GLRA3: variants seen among roughly 807,000 people sequenced by gnomAD.
GLRA3 encodes glycine receptor alpha 3.
A neutral mutation model predicts 60.4 loss-of-function variants in GLRA3; 44 were observed. That is an observed-to-expected ratio of 0.73 (90% CI 0.57 to 0.94). The LOEUF is 0.94. Ranked by LOEUF, GLRA3 falls within the 40% of genes least tolerant of loss-of-function variation. The pLI, the probability that GLRA3 is intolerant of heterozygous loss-of-function variation, is 0.00. For missense variants in GLRA3, 508 were observed against 564.6 expected, an observed-to-expected ratio of 0.90 and a Z score of 1.02; for synonymous variants, 223 against 192.9, an observed-to-expected ratio of 1.16 and a Z score of -1.29.
intron 1 of GLRA3, among the ~76,000 whole-genome samples, chr4:174,792,815 A>G (rs1219856664): frequency 6.6e-6 from 1 of 152,170 alleles, no homozygotes; most frequent in African/African-American, 2.4e-5. Flanking sequence ...CCTGCAGACA[A>G]GTTAAATAAT....
intron 2 of GLRA3, among the ~76,000 whole-genome samples, chr4:174,772,454 T>C (rs1412462267): frequency 2.0e-5 from 3 of 152,194 alleles, no homozygotes; most frequent in African/African-American, 7.2e-5. Context: ...TTGGTTCCCA[T>C]TTGACTATTT....
chr4:174,675,720 C>T (rs575076150), intron 7 of GLRA3, among the ~76,000 whole-genome samples: 12 of 152,034 alleles, frequency 7.9e-5, no homozygotes, highest in Admixed American at 2.6e-4. Flanking sequence ...CTAGTTGATG[C>T]GAACAATTTT....
At chr4:174,699,179 T>C (rs12642464) in intron 5 of GLRA3, among the ~76,000 whole-genome samples, 115,649 of 151,402 alleles carry the variant, frequency 0.76, 44,478 homozygotes, top group South Asian at 0.82. Context: ...TTTTGTATTT[T>C]TTAGTAGAGA....
At chr4:174,688,353 A>G (rs1447923883) in intron 5 of GLRA3, among the ~76,000 whole-genome samples, 1 of 129,378 alleles carries the variant, frequency 7.7e-6, no homozygotes, top group South Asian at 2.5e-4. Flanking sequence ...ATATATATAT[A>G]TATATATATA....
intron 2 of GLRA3, 97 bp from the exon 3 acceptor site, chr4:174,767,127 CACA>C: frequency 6.6e-6 from 1 of 151,632 alleles, no homozygotes; most frequent in Non-Finnish European, 1.3e-5. Context: ...CCATTTTACA[CACA>C]CACACACACA....
In GLRA3 at chr4:174,682,739, A is replaced by G. The variant is rs936176428; in HGVS notation, c.712+63T>C. The G allele has an allele frequency of 7.8e-5, 94 of 1,198,416 alleles. 2 individuals carry two copies. The African/African-American group carries it at 1.2e-3, about 15-fold the overall frequency. 74.2% of individuals were successfully genotyped at this position (1,198,416 alleles called of 1,614,324 possible). ...GTTAAATAACTTAGCATTATAATGA[A>G]GAAACATCTGGATATCATAAAACCA... On this transcript the variant is annotated intron_variant, in intron 6 of 9. Transcript: ENST00000274093.
chr4:174,794,707 T>A (rs1453983656), intron 1 of GLRA3, among the ~76,000 whole-genome samples: 1 of 152,204 alleles, frequency 6.6e-6, no homozygotes, highest in East Asian at 1.9e-4. Context: ...CTTATCTCAT[T>A]TCTTTTGATG....
At chr4:174,655,652 T>C (rs534438449) in intron 9 of GLRA3, among the ~76,000 whole-genome samples, 1 of 152,144 alleles carries the variant, frequency 6.6e-6, no homozygotes, top group East Asian at 1.9e-4. Flanking sequence ...GCAAACACTA[T>C]ATCTAATTAT....
Position 174,788,226 on chromosome 4 carries a change from C to T in GLRA3, c.199+590G>A, listed in dbSNP as rs1008221951. Among the ~76,000 whole-genome samples the T allele has an allele frequency of 3.3e-5, 5 of 151,920 alleles. 1 individual carries two copies. In the South Asian group the frequency reaches 1.0e-3, roughly 31 times the overall value. ...TACATATCCTTATATAAACATGTTA[C>T]TTACAACTATATTAAACAGAAGAAT... is the stretch of plus-strand genomic sequence containing the variant. On this transcript the variant is annotated intron_variant, in intron 2 of 9. Transcript: ENST00000274093.
At chr4:174,747,524 G>A (rs1216235393) in intron 3 of GLRA3, among the ~76,000 whole-genome samples, 1 of 152,140 alleles carries the variant, frequency 6.6e-6, no homozygotes, top group Non-Finnish European at 1.5e-5. Flanking sequence ...CCAGGGTAGT[G>A]ATTGGGTGGG....
chr4:174,663,812 T>C (rs1561040344), intron 7 of GLRA3, among the ~76,000 whole-genome samples: 2 of 152,148 alleles, frequency 1.3e-5, no homozygotes, highest in Admixed American at 1.3e-4. Flanking sequence ...TCAGAGTCAT[T>C]ACCTTCTTTG....
chr4:174,783,874 A>T (rs1035285565), intron 2 of GLRA3, among the ~76,000 whole-genome samples: 1 of 152,194 alleles, frequency 6.6e-6, no homozygotes, highest in Non-Finnish European at 1.5e-5. Context: ...TGTTGGTGGT[A>T]CTGTAAACTA....
At chr4:174,691,057 T>C (rs187256328) in intron 5 of GLRA3, among the ~76,000 whole-genome samples, 1 of 152,284 alleles carries the variant, frequency 6.6e-6, no homozygotes, top group East Asian at 1.9e-4. Context: ...CTGGGTTGAA[T>C]GGTAGTTCTG....
At chr4:174,766,690 C>T (rs1356393668) in intron 3 of GLRA3, among the ~76,000 whole-genome samples, 1 of 151,932 alleles carries the variant, frequency 6.6e-6, no homozygotes, top group Non-Finnish European at 1.5e-5. Flanking sequence ...AAAATAATTG[C>T]TATGGTGACA....
intron 7 of GLRA3, among the ~76,000 whole-genome samples, chr4:174,671,438 C>G (rs1055137292): frequency 2.6e-5 from 4 of 152,042 alleles, no homozygotes; most frequent in Non-Finnish European, 4.4e-5. Context: ...ATGAACACAA[C>G]AGTGAATATA....
chr4:174,660,869 T>A (rs762396574), intron 7 of GLRA3, among the ~76,000 whole-genome samples: 4 of 152,212 alleles, frequency 2.6e-5, no homozygotes, highest in Non-Finnish European at 5.9e-5. Context: ...ACATCATTAT[T>A]TATTTTGATG....
intron 3 of GLRA3, among the ~76,000 whole-genome samples, chr4:174,756,286 C>G (rs1261777704): frequency 6.6e-6 from 1 of 152,124 alleles, no homozygotes; most frequent in Non-Finnish European, 1.5e-5. Flanking sequence ...TACCACACGC[C>G]ACTCTTGACA....
At chr4:174,764,544 C>G (rs1327915616) in intron 3 of GLRA3, among the ~76,000 whole-genome samples, 1 of 149,752 alleles carries the variant, frequency 6.7e-6, no homozygotes, top group Non-Finnish European at 1.5e-5. Context: ...GCCTGTGCGA[C>G]AGACTCCGTC....
intron 3 of GLRA3, among the ~76,000 whole-genome samples, chr4:174,738,051 C>A (rs1286082093): frequency 6.6e-6 from 1 of 152,108 alleles, no homozygotes; most frequent in Non-Finnish European, 1.5e-5. Context: ...TCTTTCTGAG[C>A]AATTCAGATA....
Sources: allele counts gnomAD v4.1 joint callset (sites outside exome capture counted in the v4.1 genomes callset), GRCh38; gene constraint gnomAD v4.1.1; transcripts MANE v1.5; gene names NCBI Gene and HGNC (gene_info 2026-07-23, HGNC 2026-07-21).